The following PAM16 variants were observed in gnomAD, a reference collection of about 807,000 sequenced individuals.
The protein encoded by PAM16 is presequence translocase associated motor 16.
A neutral mutation model predicts 17.9 loss-of-function variants in PAM16; 11 were observed. The ratio of observed to expected loss-of-function variants is 0.62; its 90% CI spans 0.39 to 1.02. The LOEUF (loss-of-function observed/expected upper bound fraction) is 1.02. PAM16 is among the 50% of genes least tolerant of loss of function. PAM16 has a pLI of 0.01. For synonymous variants in PAM16, 72 were observed against 67.4 expected (o/e 1.07, Z -0.34); for missense variants, 199 against 165.4 (o/e 1.20, Z -1.11).
intron 2 of PAM16, 148 bp from the exon 3 acceptor site, chr16:4,341,652 T>C: frequency 7.3e-7 from 1 of 1,363,050 alleles, no homozygotes; most frequent in Non-Finnish European, 9.8e-7. Flanking sequence ...CAGGAGTGGT[T>C]TCCTTTTTAG....
At chr16:4,343,868 C>A in intron 1 of PAM16, 1 of 399,472 alleles carries the variant, frequency 2.5e-6, no homozygotes. Context: ...GGTATTTAAA[C>A]ACACTATGGA....
Position 4,341,469 on chromosome 16 carries a change from C to T in PAM16, c.124G>A (p.Gly42Arg). The T allele has an allele frequency of 6.2e-7, 1 of 1,610,310 alleles. No homozygotes were observed. Among genetic ancestry groups the T allele is most frequent in the Non-Finnish European group, 8.5e-7 (1 of 1,179,202 alleles). Residue 42 changes from glycine to arginine, a missense_variant, in exon 3 of 5, where the codon GGA becomes AGA. By Grantham distance (125) the Gly-to-Arg change is moderately radical. Transcript: ENST00000318059. The stretch of plus-strand genomic sequence containing the variant: ...TTGGAAGCGGCTGCAGACCGGTGTC[C>T]AGCGCGTCCTCGGGCATCAGCTGCG... ...RAAADARGRA[G>R]HRSAAASNLS...
At chr16:4,345,805 A>C (rs1249805447) in intron 1 of PAM16, 2 of 982,970 alleles carry the variant, frequency 2.0e-6, no homozygotes, top group Non-Finnish European at 2.4e-6. Context: ...CCTCCTTCCT[A>C]AAGCCCCTCC....
chr16:4,347,995 T>A (rs1412043081), intron 1 of PAM16: 4 of 152,248 alleles, frequency 2.6e-5, no homozygotes, highest in Non-Finnish European at 5.9e-5. Flanking sequence ...TTACACTGAC[T>A]TGTGTCTTTG....
At chr16:4,340,426 AGGCCGG>A in intron 4 of PAM16, 21 bp from the exon 5 acceptor site, 1 of 1,606,262 alleles carries the variant, frequency 6.2e-7, no homozygotes, top group South Asian at 1.1e-5. Flanking sequence ...ACGGATAATC[AGGCCGG>A]GAGGCCAAGC....
Position 4,341,004 on chromosome 16 carries a change from G to A in PAM16, c.226-19C>T, listed in dbSNP as rs765236526. ...CATAGTTCTGCAGAGGAGAGGGGAC[G>A]GGTGAGAGGGCTGCAGACTGCAGGC... On this transcript the variant is annotated intron_variant, in intron 3 of 4. Coordinates refer to ENST00000318059, the MANE Select transcript of PAM16 (RefSeq NM_016069.11). 20 of 1,613,180 alleles carry A rather than the reference G, an allele frequency of 1.2e-5. No individual in the cohort carries two copies. Among genetic ancestry groups the A allele is most frequent in the South Asian group, 3.3e-5 (3 of 91,090 alleles).
chr16:4,340,425 C>G lies in PAM16; in HGVS notation c.292-20G>C, dbSNP rs754336938. The G allele has an allele frequency of 1.6e-5, 26 of 1,607,446 alleles. No homozygotes were observed. In the Admixed American group the frequency reaches 2.5e-4, roughly 16 times the overall value. On this transcript the variant is annotated intron_variant, in intron 4 of 4. Transcript: ENST00000318059. ...GACCACCTAGTGGGTCACGGATAAT[C>G]AGGCCGGGAGGCCAAGCCTCCGCCC...
At chr16:4,343,466 G>C in intron 1 of PAM16, 175 bp from the exon 2 acceptor site, 1 of 1,432,328 alleles carries the variant, frequency 7.0e-7, no homozygotes. Context: ...TCCATGGTGG[G>C]TGGCTTAGTT....
rs112138208 is a variant in PAM16, at chr16:4,346,047, TG to T, written c.4-2757del. On this transcript the variant is annotated intron_variant, in intron 1 of 4. Transcript: ENST00000318059. ...GAACGGTAAGAGCTGAGGTCATAAC[TG>T]GGGAGCTTCCCCGACCATCCCCTGC... 3.3e-4 allele frequency: 294 copies of T among 883,416 alleles called. 4 individuals carry two copies. The African/African-American group carries it at 5.1e-3, about 15-fold the overall frequency. The allele number at this position is 883,416 out of a possible 1,614,324, so 54.7% of individuals were successfully genotyped here. A position where few individuals can be genotyped will look rare whatever the true frequency, so the allele number is the denominator to read the frequency against.
chr16:4,340,805 C>T (rs2141140316), intron 4 of PAM16, 115 bp downstream of exon 4: 1 of 1,344,318 alleles, frequency 7.4e-7, no homozygotes, highest in South Asian at 1.2e-5. Context: ...AAGCCTGGCA[C>T]AGTTTTCTGT....
intron 1 of PAM16, chr16:4,350,939 C>G (rs1333181795): frequency 6.9e-6 from 2 of 289,094 alleles, no homozygotes; most frequent in Non-Finnish European, 1.3e-5. Flanking sequence ...GCTCACCAGC[C>G]AGACTCATGC....
At chr16:4,341,833 G>A (rs2053653010) in intron 2 of PAM16, among the ~76,000 whole-genome samples, 1 of 152,174 alleles carries the variant, frequency 6.6e-6, no homozygotes. Flanking sequence ...CTACGATGGA[G>A]ACTGTATAGT....
At chr16:4,341,634 C>T (rs1718036642) in intron 2 of PAM16, 130 bp from the exon 3 acceptor site, 1 of 1,426,238 alleles carries the variant, frequency 7.0e-7, no homozygotes, top group African/African-American at 1.4e-5. Context: ...TAGGAGCTGC[C>T]TCTTCTCCAG....
In PAM16 at chr16:4,341,060, C is replaced by T. The variant is rs552312159; in HGVS notation, c.226-75G>A. On this transcript the variant is annotated intron_variant, in intron 3 of 4. Coordinates refer to ENST00000318059, the MANE Select transcript of PAM16 (RefSeq NM_016069.11). The stretch of plus-strand genomic sequence containing the variant: ...ATGTTGGGCAGGCTATGTGGGGCCA[C>T]GTGAGAGAGGCAACAGGACTCCTCT... The T allele has an allele frequency of 8.0e-5, 126 of 1,570,882 alleles. No individual in the cohort carries two copies. The African/African-American group carries it at 1.3e-3, about 16-fold the overall frequency.
intron 1 of PAM16, among the ~76,000 whole-genome samples, chr16:4,350,425 G>T (rs1440193749): frequency 1.3e-5 from 2 of 148,982 alleles, no homozygotes; most frequent in Non-Finnish European, 3.0e-5. Flanking sequence ...TTTTTGAGAC[G>T]CAGTCTCACC....
At chr16:4,343,064 G>A (rs910701180) in intron 2 of PAM16, 143 bp downstream of exon 2, 31 of 1,079,648 alleles carry the variant, frequency 2.9e-5, no homozygotes, top group Middle Eastern at 2.1e-4. Flanking sequence ...AGAATGCCCC[G>A]GTCTGGCATC....
chr16:4,340,275 G>C lies in PAM16; in HGVS notation c.*44C>G, dbSNP rs1472698912. ...ATGCAGAAAAGAAATTTATTACCAA[G>C]CTATAAATTAGAGGCGGCGGGGTGG... On this transcript the variant is annotated 3_prime_UTR_variant, in exon 5 of 5. Transcript: ENST00000318059. 1 of 1,570,928 alleles carries C rather than the reference G, an allele frequency of 6.4e-7. No individual in the cohort carries two copies. Among genetic ancestry groups the C allele is most frequent in the East Asian group, 2.3e-5 (1 of 44,104 alleles).
At chr16:4,344,218 C>CTG (rs1192907134) in intron 1 of PAM16, 20 of 129,516 alleles carry the variant, frequency 1.5e-4, no homozygotes, top group African/African-American at 6.4e-4. Flanking sequence ...GGAGGGCGTT[C>CTG]CGTGAGAGGA....
chr16:4,350,667 T>C (rs1343118377), intron 1 of PAM16, among the ~76,000 whole-genome samples: 1 of 152,202 alleles, frequency 6.6e-6, no homozygotes, highest in Non-Finnish European at 1.5e-5. Context: ...CCCAGAGTGC[T>C]GGGATTACAG....
Sources: allele counts gnomAD v4.1 joint callset (sites outside exome capture counted in the v4.1 genomes callset), GRCh38; gene constraint gnomAD v4.1.1; transcripts MANE v1.5; gene names NCBI Gene and HGNC (gene_info 2026-07-23, HGNC 2026-07-21).